PRKCA: variants seen among roughly 807,000 people sequenced by gnomAD.
The protein encoded by PRKCA is protein kinase C alpha type.
Under a neutral mutation model 87.0 loss-of-function variants are expected in PRKCA, and 27 were observed. That is an observed-to-expected ratio of 0.31 (90% confidence interval 0.23 to 0.43). The LOEUF is 0.43. Ranked by LOEUF, PRKCA falls within the 20% of genes least tolerant of loss-of-function variation. The pLI, the probability that PRKCA is intolerant of heterozygous loss-of-function variation, is 1.00. For synonymous variants in PRKCA, 329 were observed against 311.1 expected (o/e 1.06, Z -0.61); for missense variants, 518 against 852.3 (o/e 0.61, Z 4.88).
intron 2 of PRKCA, among the ~76,000 whole-genome samples, chr17:66,342,039 C>T (rs1907068660): frequency 6.6e-6 from 1 of 152,178 alleles, no homozygotes; most frequent in East Asian, 1.9e-4. Context: ...GTTTCTGGAG[C>T]ACCTGCTGCA....
intron 3 of PRKCA, among the ~76,000 whole-genome samples, chr17:66,602,374 C>T (rs370087515): frequency 1.1e-3 from 167 of 145,906 alleles, no homozygotes; most frequent in African/African-American, 3.9e-3. Context: ...GGAAAGGGAA[C>T]TCCCTGACCC....
intron 13 of PRKCA, among the ~76,000 whole-genome samples, chr17:66,749,303 G>A (rs927530403): frequency 7.0e-5 from 7 of 100,306 alleles, no homozygotes; most frequent in Non-Finnish European, 1.2e-4. Flanking sequence ...CCACCCCTCC[G>A]GAGCTCTCTA....
At position 66,515,133 on chromosome 17, in the gene PRKCA, C is replaced by T. The variant is rs1039290641; in HGVS notation, c.288+18850C>T. On this transcript the variant is annotated intron_variant, in intron 3 of 16. Transcript: ENST00000413366. ...TAGCTGGGCATGGTGGCCTGCGCCT[C>T]TAGTCCCAGCTACTCGGGAGGCTGA... is the stretch of plus-strand genomic sequence containing the variant. 9.9e-5 allele frequency among the ~76,000 whole-genome samples: 15 copies of T among 152,016 alleles called. No individual in the cohort carries two copies. In the East Asian group the frequency reaches 1.2e-3, roughly 12 times the overall value.
At chr17:66,728,689 C>T (rs1260700503) in intron 8 of PRKCA, among the ~76,000 whole-genome samples, 1 of 152,200 alleles carries the variant, frequency 6.6e-6, no homozygotes, top group South Asian at 2.1e-4. Flanking sequence ...GCAGTTGAGG[C>T]GGTAGATGGC....
chr17:66,431,618 G>A (rs561992332), intron 2 of PRKCA, among the ~76,000 whole-genome samples: 9 of 152,294 alleles, frequency 5.9e-5, no homozygotes, highest in East Asian at 1.9e-4. Context: ...GGTAGCTGTC[G>A]CTTCCCCTCT....
chr17:66,395,913 G>A lies in PRKCA; in HGVS notation c.205+89786G>A, dbSNP rs59698993. On this transcript the variant is annotated intron_variant, in intron 2 of 16. Transcript: ENST00000413366. Reference sequence around the variant, plus strand: ...CTGTACAGGAAAGTAGGTGTTGCAGGTTCCTTCTTTTTCACTCTTTCCTTA... The same window carrying A: ...CTGTACAGGAAAGTAGGTGTTGCAGATTCCTTCTTTTTCACTCTTTCCTTA... Among the ~76,000 whole-genome samples the A allele has an allele frequency of 1.4e-4, 22 of 152,066 alleles. No homozygotes were observed. The East Asian group carries it at 3.9e-3, about 27-fold the overall frequency.
chr17:66,423,041 G>T (rs568197187), intron 2 of PRKCA, among the ~76,000 whole-genome samples: 3 of 152,238 alleles, frequency 2.0e-5, no homozygotes, highest in Admixed American at 1.3e-4. Context: ...AACCAGGGAG[G>T]TGGAGGTTGC....
At chr17:66,505,211 C>T (rs535171521) in intron 3 of PRKCA, among the ~76,000 whole-genome samples, 82 of 152,170 alleles carry the variant, frequency 5.4e-4, no homozygotes, top group Non-Finnish European at 8.7e-4. Context: ...TTAATTTAGC[C>T]GGGAGTTAAA....
At chr17:66,517,814 A>G (rs929245909) in intron 3 of PRKCA, among the ~76,000 whole-genome samples, 1 of 152,194 alleles carries the variant, frequency 6.6e-6, no homozygotes, top group East Asian at 1.9e-4. Flanking sequence ...AAAATTACTC[A>G]TCAAGCTGTT....
At chr17:66,741,464 G>C (rs1974157317) in intron 11 of PRKCA, among the ~76,000 whole-genome samples, 195 bp from the exon 12 acceptor site, 1 of 152,182 alleles carries the variant, frequency 6.6e-6, no homozygotes, top group Non-Finnish European at 1.5e-5. Flanking sequence ...GGTTTTATTA[G>C]CTGTCTCATT....
intron 8 of PRKCA, among the ~76,000 whole-genome samples, chr17:66,726,887 C>T (rs779904657): frequency 5.9e-5 from 9 of 152,078 alleles, no homozygotes; most frequent in Admixed American, 1.3e-4. Context: ...ACCACGTTGG[C>T]TAATTTTTGT....
At chr17:66,785,426 ACTC>A (rs1352179505) in intron 14 of PRKCA, among the ~76,000 whole-genome samples, 1 of 151,944 alleles carries the variant, frequency 6.6e-6, no homozygotes, top group Non-Finnish European at 1.5e-5. Flanking sequence ...AAAGTGACTG[ACTC>A]CTCTTTCCCA....
intron 16 of PRKCA, among the ~76,000 whole-genome samples, chr17:66,799,076 G>GTGGTGATGGTGGTGGTGA (rs1975794329): frequency 2.5e-4 from 1 of 3,934 alleles, no homozygotes; most frequent in Admixed American, 2.5e-3. Context: ...GGTGGTGGTG[G>GTGGTGATGGTGGTGGTGA]TGGTGGTGGT....
At chr17:66,320,376 A>T (rs115772332) in intron 2 of PRKCA, among the ~76,000 whole-genome samples, 4 of 142,790 alleles carry the variant, frequency 2.8e-5, no homozygotes, top group African/African-American at 1.1e-4. Context: ...CCAATACTCT[A>T]TTTTTTTTTT....
intron 1 of PRKCA, 152 bp downstream of exon 1, chr17:66,303,176 C>T (rs1904608947): frequency 3.7e-6 from 4 of 1,068,726 alleles, no homozygotes; most frequent in African/African-American, 1.7e-5. Context: ...ACACGCGCGC[C>T]CGGCCCTGAC....
chr17:66,547,345 C>T (rs183691172), intron 3 of PRKCA, among the ~76,000 whole-genome samples: 19 of 152,236 alleles, frequency 1.2e-4, no homozygotes, highest in Admixed American at 7.2e-4. Context: ...CAATCTCAGT[C>T]CCAATCCCAG....
At chr17:66,670,873 T>G (rs554686834) in intron 5 of PRKCA, among the ~76,000 whole-genome samples, 46 of 151,506 alleles carry the variant, frequency 3.0e-4, no homozygotes, top group African/African-American at 1.1e-3. Flanking sequence ...AAAATAAATT[T>G]AAAAAAATTA....
At chr17:66,419,436 T>G (rs530829386) in intron 2 of PRKCA, among the ~76,000 whole-genome samples, 2 of 152,368 alleles carry the variant, frequency 1.3e-5, no homozygotes, top group East Asian at 3.9e-4. Context: ...ATATGTTCTT[T>G]AATTATGGTC....
chr17:66,493,176 T>C (rs961039351), intron 2 of PRKCA, among the ~76,000 whole-genome samples: 4 of 152,230 alleles, frequency 2.6e-5, no homozygotes, highest in Non-Finnish European at 5.9e-5. Flanking sequence ...CATTATATTA[T>C]GATTACCTTA....
Sources: allele counts gnomAD v4.1 joint callset (sites outside exome capture counted in the v4.1 genomes callset), GRCh38; gene constraint gnomAD v4.1.1; transcripts MANE v1.5; gene names NCBI Gene and HGNC (gene_info 2026-07-23, HGNC 2026-07-21).